Variants in SKIC3 observed in about 807,000 individuals in gnomAD.
SKIC3 encodes superkiller complex protein 3.
chr5:95,525,178 C>T, the SKIC3 span, among the ~76,000 whole-genome samples: 10 of 152,188 alleles, frequency 6.6e-5, no homozygotes, highest in Admixed American at 2.0e-4. Flanking sequence ...CCACCACGCC[C>T]GGCCAAGATC....
the SKIC3 span, chr5:95,502,911 T>C: frequency 6.2e-7 from 1 of 1,613,978 alleles, no homozygotes; most frequent in Non-Finnish European, 8.5e-7. Context: ...GCTACATCCG[T>C]TTTTCCTTGT....
chr5:95,495,984 G>A, the SKIC3 span, among the ~76,000 whole-genome samples: 14 of 151,492 alleles, frequency 9.2e-5, no homozygotes, highest in Admixed American at 2.0e-4. Context: ...CAAGGAAGCC[G>A]CTTCTGCCAT....
the SKIC3 span, among the ~76,000 whole-genome samples, chr5:95,502,164 T>A: frequency 6.6e-6 from 1 of 152,092 alleles, no homozygotes; most frequent in Non-Finnish European, 1.5e-5. Context: ...GATGTCACAA[T>A]GACTGAGGAG....
At chr5:95,530,222 A>C in the SKIC3 span, 1 of 1,613,340 alleles carries the variant, frequency 6.2e-7, no homozygotes, top group Non-Finnish European at 8.5e-7. Flanking sequence ...CCTCATCAGT[A>C]AGATTTCCTG....
At chr5:95,516,422 A>ACATT in the SKIC3 span, 1 of 1,612,964 alleles carries the variant, frequency 6.2e-7, no homozygotes, top group African/African-American at 1.3e-5. Flanking sequence ...AAAAAACATA[A>ACATT]CATTTTTTTT....
chr5:95,509,569 T>C, the SKIC3 span: 1 of 1,534,484 alleles, frequency 6.5e-7, no homozygotes, highest in South Asian at 1.1e-5. Context: ...TCCTCCTGCA[T>C]CTATCACAAT....
chr5:95,522,252 C>T, the SKIC3 span: 3 of 1,613,672 alleles, frequency 1.9e-6, no homozygotes, highest in South Asian at 2.2e-5. Flanking sequence ...TATGCTTCTC[C>T]TAACGATTCC....
chr5:95,492,260 C>G, the SKIC3 span, among the ~76,000 whole-genome samples: 3 of 152,242 alleles, frequency 2.0e-5, no homozygotes, highest in East Asian at 5.8e-4. Context: ...AGGCACATGA[C>G]AGCCTTAGAT....
At chr5:95,517,275 C>G in the SKIC3 span, 2 of 1,613,224 alleles carry the variant, frequency 1.2e-6, no homozygotes, top group Non-Finnish European at 1.7e-6. Context: ...ACAAGCATCC[C>G]CAGCTAGCTT....
the SKIC3 span, chr5:95,529,065 A>T: frequency 6.2e-7 from 1 of 1,613,792 alleles, no homozygotes; most frequent in Non-Finnish European, 8.5e-7. Context: ...CTGCCAGATG[A>T]TACCATCCAC....
At chr5:95,488,744 T>A in the SKIC3 span, among the ~76,000 whole-genome samples, 93 of 151,860 alleles carry the variant, frequency 6.1e-4, 1 homozygote, top group East Asian at 0.017. Flanking sequence ...AAAAACTCAC[T>A]GGTAAAGCAA....
chr5:95,528,221 A>T, the SKIC3 span: 1 of 1,583,678 alleles, frequency 6.3e-7, no homozygotes, highest in South Asian at 1.1e-5. Context: ...TTTTTTAAGG[A>T]TGACATATAA....
At chr5:95,552,932 A>C in the SKIC3 span, among the ~76,000 whole-genome samples, 1 of 152,182 alleles carries the variant, frequency 6.6e-6, no homozygotes, top group East Asian at 1.9e-4. Context: ...GTAAAAGTGA[A>C]GAAAAATGCA....
At chr5:95,492,689 A>G in the SKIC3 span, among the ~76,000 whole-genome samples, 6 of 138,544 alleles carry the variant, frequency 4.3e-5, no homozygotes, top group South Asian at 1.4e-3. Context: ...AAAAAAAAAA[A>G]CAAGACAACT....
chr5:95,530,198 A>G, the SKIC3 span: 58 of 1,613,504 alleles, frequency 3.6e-5, no homozygotes, highest in South Asian at 6.1e-4. Flanking sequence ...CTAATCTACA[A>G]CAATACTGCT....
the SKIC3 span, chr5:95,548,506 A>T: frequency 6.6e-6 from 1 of 152,050 alleles, no homozygotes; most frequent in African/African-American, 2.4e-5. Flanking sequence ...AGTTACAATA[A>T]TTATATAATT....
chr5:95,512,384 A>G, the SKIC3 span: 12 of 1,415,944 alleles, frequency 8.5e-6, no homozygotes, highest in Admixed American at 2.3e-4. Context: ...AAAGAATACC[A>G]ATATTTAATT....
chr5:95,493,553 CTT>C, the SKIC3 span, among the ~76,000 whole-genome samples: 1 of 152,162 alleles, frequency 6.6e-6, no homozygotes, highest in Non-Finnish European at 1.5e-5. Flanking sequence ...TGTTTAGTCT[CTT>C]TTTGTTTCTA....
the SKIC3 span, chr5:95,482,764 G>T: frequency 1.1e-6 from 1 of 884,210 alleles, no homozygotes; most frequent in Non-Finnish European, 1.7e-6. Flanking sequence ...GAAAACAACT[G>T]CAAATAATTA....
Sources: allele counts gnomAD v4.1 joint callset (sites outside exome capture counted in the v4.1 genomes callset), GRCh38; gene constraint gnomAD v4.1.1; transcripts MANE v1.5; gene names NCBI Gene and HGNC (gene_info 2026-07-23, HGNC 2026-07-21).